Variants in HERC1 observed in about 807,000 individuals in gnomAD.
HERC1 encodes the protein HECT and RLD domain containing E3 ubiquitin protein ligase family member 1, also known as probable E3 ubiquitin-protein ligase HERC1.
Under a neutral mutation model 554.3 loss-of-function variants are expected in HERC1, and 160 were observed. The ratio of observed to expected loss-of-function variants is 0.29; its 90% CI spans 0.25 to 0.33. HERC1 has a LOEUF of 0.33. Ranked by LOEUF, HERC1 falls within the 10% of genes least tolerant of loss-of-function variation. The pLI, the probability that HERC1 is intolerant of heterozygous loss-of-function variation, is 1.00. For synonymous variants in HERC1, 2,175 were observed against 2,131.7 expected (o/e 1.02, Z -0.56); for missense variants, 4,919 against 5,918.5 (o/e 0.83, Z 5.54).
intron 24 of HERC1, among the ~76,000 whole-genome samples, chr15:63,707,197 T>G (rs980980409): frequency 2.6e-5 from 4 of 152,240 alleles, no homozygotes; most frequent in Non-Finnish European, 5.9e-5. Flanking sequence ...TTTTCCAAAA[T>G]TACTACTCCT....
In HERC1 at chr15:63,764,109, C is replaced by A; in HGVS notation, c.1013G>T (p.Cys338Phe). Residue 338 changes from cysteine to phenylalanine, a missense_variant, in exon 3 of 78, where the codon TGT becomes TTT. By Grantham distance (205) the Cys-to-Phe change is radical. This residue lies in a region of HERC1 where 744 missense variants were observed against 1,090.0 expected (regional missense o/e 0.68). Coordinates refer to ENST00000443617, the MANE Select transcript of HERC1 (RefSeq NM_003922.4). Reference sequence around the variant, plus strand: ...ATTATTACGTACCTCTTCAAAGAGACATAATGCTGCCTCGTAAAGGGAGCA... The same window carrying A: ...ATTATTACGTACCTCTTCAAAGAGAAATAATGCTGCCTCGTAAAGGGAGCA... ...GLCSLYEAAL[C>F]LFEEVCRMAS... is the part of the protein sequence containing the mutation. 6.2e-7 allele frequency: 1 copy of A among 1,607,576 alleles called. No individual in the cohort carries two copies. Among genetic ancestry groups the A allele is most frequent in the East Asian group, 2.2e-5 (1 of 44,794 alleles).
At chr15:63,690,337 A>C (rs1162942768) in intron 32 of HERC1, among the ~76,000 whole-genome samples, 1 of 152,076 alleles carries the variant, frequency 6.6e-6, no homozygotes, top group Non-Finnish European at 1.5e-5. Flanking sequence ...AGTATTCTCT[A>C]TCCCTCTACT....
chr15:63,652,392 T>C (rs966253018), intron 52 of HERC1, 22 bp downstream of exon 52: 1 of 1,608,710 alleles, frequency 6.2e-7, no homozygotes, highest in Non-Finnish European at 8.5e-7. Context: ...TTAAATGGTA[T>C]ACACGTGATG....
At chr15:63,685,527 A>C in intron 34 of HERC1, among the ~76,000 whole-genome samples, 1 of 152,252 alleles carries the variant, frequency 6.6e-6, no homozygotes, top group East Asian at 1.9e-4. Flanking sequence ...CTACATTTTA[A>C]AAGTTAAGAC....
chr15:63,759,683 A>G (rs1199977805), intron 3 of HERC1, among the ~76,000 whole-genome samples: 3 of 152,232 alleles, frequency 2.0e-5, no homozygotes, highest in African/African-American at 7.2e-5. Context: ...TACAATAAAG[A>G]TATTAACTGA....
chr15:63,740,940 T>C (rs566172408), intron 12 of HERC1, among the ~76,000 whole-genome samples: 1 of 152,312 alleles, frequency 6.6e-6, no homozygotes, highest in African/African-American at 2.4e-5. Context: ...GTCCAATTTA[T>C]TTTTCCTTTG....
At chr15:63,805,597 T>G (rs1158986612) in intron 1 of HERC1, among the ~76,000 whole-genome samples, 1 of 152,190 alleles carries the variant, frequency 6.6e-6, no homozygotes, top group Non-Finnish European at 1.5e-5. Context: ...ATCAAACTGT[T>G]GTCTTAAAAT....
At chr15:63,647,966 G>A (rs2069445315) in intron 55 of HERC1, 103 bp downstream of exon 55, 2 of 885,498 alleles carry the variant, frequency 2.3e-6, no homozygotes, top group Non-Finnish European at 3.5e-6. Context: ...TCATTTGGGT[G>A]ATGGATATCT....
At chr15:63,789,170 A>T (rs1222502810) in intron 1 of HERC1, among the ~76,000 whole-genome samples, 3 of 129,396 alleles carry the variant, frequency 2.3e-5, no homozygotes, top group Non-Finnish European at 4.7e-5. Context: ...GGCTCACTGC[A>T]AGCTCCGCCT....
intron 25 of HERC1, among the ~76,000 whole-genome samples, chr15:63,705,653 C>T (rs890924803): frequency 6.6e-6 from 1 of 151,966 alleles, no homozygotes; most frequent in Middle Eastern, 3.2e-3. Context: ...AATTTTTTCA[C>T]AGGCTTTTAG....
At chr15:63,821,660 A>C (rs2145751821) in intron 1 of HERC1, among the ~76,000 whole-genome samples, 1 of 149,044 alleles carries the variant, frequency 6.7e-6, no homozygotes. Context: ...TTGGGAGGTC[A>C]AGGCTGTAAT....
chr15:63,705,894 G>T (rs1210489302), intron 25 of HERC1, among the ~76,000 whole-genome samples: 4 of 151,884 alleles, frequency 2.6e-5, no homozygotes, highest in Middle Eastern at 3.2e-3. Context: ...GCTGAGCATG[G>T]TGGTGCACAC....
rs1193356880 is a variant in HERC1, at chr15:63,612,040, T to C, written c.14400+211A>G. Among the ~76,000 whole-genome samples, 2 of 152,098 alleles carry C rather than the reference T, an allele frequency of 1.3e-5. No individual in the cohort carries two copies. Among genetic ancestry groups the C allele is most frequent in the Non-Finnish European group, 2.9e-5 (2 of 67,998 alleles). ...TCTCTACCAAAATATACAAAAAAATTAGCCAGGCGTGGTGGCACGCACCTG... is the reference window on the plus strand; with the variant it reads ...TCTCTACCAAAATATACAAAAAAATCAGCCAGGCGTGGTGGCACGCACCTG... On this transcript the variant is annotated intron_variant, in intron 77 of 77. Transcript: ENST00000443617. This position sits in a 1 kb window ranked among gnomAD's most constrained non-coding sequence, Gnocchi z 5.0.
chr15:63,616,761 G>T (rs577676098), intron 74 of HERC1, 79 bp from the exon 75 acceptor site: 4 of 1,263,092 alleles, frequency 3.2e-6, no homozygotes, highest in Non-Finnish European at 4.5e-6. Context: ...CAGCTATAGC[G>T]TTAGTCTATA....
At chr15:63,816,068 ATTTGGG>A (rs1217596105) in intron 1 of HERC1, among the ~76,000 whole-genome samples, 1 of 136,048 alleles carries the variant, frequency 7.4e-6, no homozygotes, top group Non-Finnish European at 1.6e-5. Flanking sequence ...TCAAGATAAG[ATTTGGG>A]TGGGGACACA....
intron 2 of HERC1, among the ~76,000 whole-genome samples, chr15:63,769,075 T>C (rs1251766781): frequency 6.6e-6 from 1 of 152,170 alleles, no homozygotes; most frequent in African/African-American, 2.4e-5. Flanking sequence ...TATTTAAGGA[T>C]AAGTCTACTC....
At chr15:63,822,141 T>C (rs2077723667) in intron 1 of HERC1, among the ~76,000 whole-genome samples, 1 of 152,170 alleles carries the variant, frequency 6.6e-6, no homozygotes, top group Admixed American at 6.6e-5. Flanking sequence ...TTTTAAACCC[T>C]GGGAGTCTGC....
intron 12 of HERC1, among the ~76,000 whole-genome samples, chr15:63,744,740 C>G (rs2074992429): frequency 6.6e-6 from 1 of 152,180 alleles, no homozygotes; most frequent in South Asian, 2.1e-4. Context: ...AGGTCTCACC[C>G]TTCAGGGCAG....
At chr15:63,611,954 G>C (rs1230681969) in intron 77 of HERC1, among the ~76,000 whole-genome samples, 1 of 152,206 alleles carries the variant, frequency 6.6e-6, no homozygotes, top group African/African-American at 2.4e-5. Context: ...GGAGGCCAAC[G>C]TGACCAGATC....
Sources: allele counts gnomAD v4.1 joint callset (sites outside exome capture counted in the v4.1 genomes callset), GRCh38; gene constraint gnomAD v4.1.1; regional missense constraint gnomAD v4.1.1; non-coding constraint Gnocchi (gnomAD v3.1); transcripts MANE v1.5; gene names NCBI Gene and HGNC (gene_info 2026-07-23, HGNC 2026-07-21).